LRRFIP1: variants seen among roughly 807,000 people sequenced by gnomAD.
LRRFIP1 encodes LRR binding FLII interacting protein 1.
In LRRFIP1, 62 loss-of-function variants were observed where a neutral mutation model predicts 104.4. That is an observed-to-expected ratio of 0.59 (90% CI 0.48 to 0.73). The LOEUF (loss-of-function observed/expected upper bound fraction) is 0.73. Ranked by LOEUF, LRRFIP1 falls within the 30% of genes least tolerant of loss-of-function variation. The pLI, the probability that LRRFIP1 is intolerant of heterozygous loss-of-function variation, is 0.00. For synonymous variants in LRRFIP1, 300 were observed against 299.0 expected, an observed-to-expected ratio of 1.00 and a Z score of -0.03; for missense variants, 796 against 824.5, an observed-to-expected ratio of 0.97 and a Z score of 0.42.
At position 237,777,891 on chromosome 2, in the gene LRRFIP1, C is replaced by A. The variant is rs376060200; in HGVS notation, c.1813-1531C>A. Among the ~76,000 whole-genome samples, 19 of 152,280 alleles carry A rather than the reference C, an allele frequency of 1.2e-4. No homozygotes were observed. In the East Asian group the frequency reaches 2.9e-3, roughly 23 times the overall value. On this transcript the variant is annotated intron_variant, in intron 23 of 23. Transcript: ENST00000308482. Reference sequence around the variant, plus strand: ...TTTCATGTTTTCTATCTCCTTACCTCTCTCTATTGGATAATGCCTAAAGTT... The same window carrying A: ...TTTCATGTTTTCTATCTCCTTACCTATCTCTATTGGATAATGCCTAAAGTT...
rs757108486 is a variant in LRRFIP1, at chr2:237,723,549, C to T, written c.347C>T (p.Ser116Leu). The T allele has an allele frequency of 1.0e-4, 168 of 1,613,148 alleles. 1 individual carries two copies. The Admixed American group carries it at 1.2e-3, about 11-fold the overall frequency. ...TTTCTGCCATCTTTCTTCTGACAGT[C>T]GCAGCCTGACTTGGAGTATGGGGGT... ...MSVGSRGSLR[S>L]QPDLEYGGPY... Residue 116 changes from serine (S) to leucine (L), a missense_variant and splice_region_variant, in exon 7 of 24, where the codon TCG becomes TTG. Physicochemically the swap from Ser to Leu is moderately radical, Grantham distance 145. Transcript: ENST00000308482.
At chr2:237,769,352 A>G in intron 19 of LRRFIP1, 1 of 152,616 alleles carries the variant, frequency 6.6e-6, no homozygotes, top group Admixed American at 6.5e-5. Flanking sequence ...ATCCTTATAT[A>G]TCGGGTCCAG....
chr2:237,720,929 T>TA lies in LRRFIP1; in HGVS notation c.345+108dup, dbSNP rs573380469. The stretch of plus-strand genomic sequence containing the variant: ...CTTCTTCATTATCCCCGTGGTCTGA[T>TA]AGTCAATATTTAACCGATGAGATGC... On this transcript the variant is annotated intron_variant, in intron 6 of 23. Transcript: ENST00000308482. The TA allele has an allele frequency of 3.8e-5, 37 of 961,612 alleles. No individual in the cohort carries two copies. In the East Asian group the frequency reaches 5.8e-4, roughly 15 times the overall value. The allele number at this position is 961,612 out of a possible 1,614,324, so 59.6% of individuals were successfully genotyped here. A position where few individuals can be genotyped will look rare whatever the true frequency, so the allele number is the denominator to read the frequency against.
At chr2:237,650,119 T>C (rs2085676620) in intron 1 of LRRFIP1, among the ~76,000 whole-genome samples, 1 of 151,216 alleles carries the variant, frequency 6.6e-6, no homozygotes, top group Non-Finnish European at 1.5e-5. Context: ...CCAGAGGAAA[T>C]AGGGTGGAGA....
intron 19 of LRRFIP1, among the ~76,000 whole-genome samples, chr2:237,760,764 G>A (rs1423199179): frequency 6.6e-6 from 1 of 152,200 alleles, no homozygotes; most frequent in Non-Finnish European, 1.5e-5. Flanking sequence ...GGCGGCCGTG[G>A]TAGTGGGTGT....
intron 1 of LRRFIP1, among the ~76,000 whole-genome samples, chr2:237,632,365 G>A (rs1334302659): frequency 3.9e-5 from 6 of 152,112 alleles, no homozygotes; most frequent in South Asian, 2.1e-4. Context: ...AGCTCTCTGC[G>A]GGCCAGGCTG....
chr2:237,745,386 C>T (rs2057701294), intron 11 of LRRFIP1, among the ~76,000 whole-genome samples: 1 of 152,192 alleles, frequency 6.6e-6, no homozygotes, highest in Non-Finnish European at 1.5e-5. Flanking sequence ...TTTAGTTTTT[C>T]TCTGCATGGT....
chr2:237,723,074 C>T (rs1387140198), intron 6 of LRRFIP1, among the ~76,000 whole-genome samples: 2 of 152,072 alleles, frequency 1.3e-5, no homozygotes, highest in Admixed American at 6.6e-5. Context: ...ATGATAAACC[C>T]TAAAAAAGGT....
intron 1 of LRRFIP1, among the ~76,000 whole-genome samples, chr2:237,690,989 CG>C (rs1280710181): frequency 1.3e-5 from 2 of 151,676 alleles, no homozygotes; most frequent in Admixed American, 1.3e-4. Flanking sequence ...AGTCGTCCTT[CG>C]GCTCCTCAGC....
rs977034444 is a variant in LRRFIP1, at chr2:237,753,241, G to A, written c.868-68G>A. The stretch of plus-strand genomic sequence containing the variant: ...TAGGACTGAGGGTTTTTTTTTAACA[G>A]AATACTGAATGATTCTTTGTTTTGA... On this transcript the variant is annotated intron_variant, in intron 14 of 23. Coordinates refer to ENST00000308482, the MANE Select transcript of LRRFIP1 (RefSeq NM_001137550.2). The A allele has an allele frequency of 7.1e-6, 9 of 1,260,502 alleles. No homozygotes were observed. The Admixed American group carries it at 2.2e-4, about 30-fold the overall frequency. The allele number at this position is 1,260,502 out of a possible 1,614,324, so 78.1% of individuals were successfully genotyped here.
intron 1 of LRRFIP1, among the ~76,000 whole-genome samples, chr2:237,701,413 G>C (rs1437391103): frequency 2.0e-5 from 3 of 152,256 alleles, no homozygotes; most frequent in African/African-American, 7.2e-5. Context: ...GCCATGCGAG[G>C]ATGGAAGCAC....
chr2:237,643,046 A>G (rs1452881309), intron 1 of LRRFIP1, among the ~76,000 whole-genome samples: 1 of 152,280 alleles, frequency 6.6e-6, no homozygotes, highest in Non-Finnish European at 1.5e-5. Flanking sequence ...GATGATGCAC[A>G]TAAAGCCTAA....
chr2:237,733,257 G>A (rs988260546), intron 8 of LRRFIP1, among the ~76,000 whole-genome samples: 2 of 152,224 alleles, frequency 1.3e-5, no homozygotes, highest in African/African-American at 4.8e-5. Flanking sequence ...GCTCCTCTGG[G>A]GGTGCCTCCC....
intron 1 of LRRFIP1, among the ~76,000 whole-genome samples, chr2:237,679,981 G>A (rs997938143): frequency 7.9e-5 from 12 of 152,230 alleles, no homozygotes; most frequent in African/African-American, 2.9e-4. Flanking sequence ...AAAATGCAGG[G>A]CCTATATGAA....
At chr2:237,719,822 G>A (rs1229752214) in intron 5 of LRRFIP1, among the ~76,000 whole-genome samples, 1 of 151,936 alleles carries the variant, frequency 6.6e-6, no homozygotes, top group East Asian at 1.9e-4. Flanking sequence ...ATATATTCAT[G>A]ACAGCTGTAG....
At chr2:237,662,427 C>A (rs1171379846) in intron 1 of LRRFIP1, among the ~76,000 whole-genome samples, 1 of 152,114 alleles carries the variant, frequency 6.6e-6, no homozygotes, top group Non-Finnish European at 1.5e-5. Context: ...CTCACCATCA[C>A]GTATATGATT....
At chr2:237,732,416 C>T (rs749526561) in intron 8 of LRRFIP1, among the ~76,000 whole-genome samples, 1 of 152,224 alleles carries the variant, frequency 6.6e-6, no homozygotes, top group Non-Finnish European at 1.5e-5. Flanking sequence ...CTGGGTCTGT[C>T]TCCTTTTCAC....
At chr2:237,692,649 C>T (rs2092892152) in intron 1 of LRRFIP1, 5 of 1,250,316 alleles carry the variant, frequency 4.0e-6, no homozygotes, top group Non-Finnish European at 5.2e-6. Context: ...TGGCGGGACC[C>T]CAGCGCGGTG....
At chr2:237,753,019 A>G (rs2058820545) in intron 14 of LRRFIP1, among the ~76,000 whole-genome samples, 1 of 151,606 alleles carries the variant, frequency 6.6e-6, no homozygotes, top group Non-Finnish European at 1.5e-5. Flanking sequence ...GGGGCCAGAG[A>G]CTCTACTGCC....
Sources: allele counts gnomAD v4.1 joint callset (sites outside exome capture counted in the v4.1 genomes callset), GRCh38; gene constraint gnomAD v4.1.1; transcripts MANE v1.5; gene names NCBI Gene and HGNC (gene_info 2026-07-23, HGNC 2026-07-21).